RTN1: variants seen among roughly 807,000 people sequenced by gnomAD.
RTN1 encodes reticulon-1.
A neutral mutation model predicts 65.5 loss-of-function variants in RTN1; 25 were observed. That is an observed-to-expected ratio of 0.38 (90% CI 0.28 to 0.53). RTN1 has a LOEUF of 0.53. Among genes scored for constraint, RTN1 ranks in the 20% least tolerant of loss-of-function variants. The pLI is 0.79. For missense variants in RTN1, 983 were observed against 1,025.4 expected, an observed-to-expected ratio of 0.96 and a Z score of 0.57; for synonymous variants, 471 against 447.6, an observed-to-expected ratio of 1.05 and a Z score of -0.66.
intron 2 of RTN1, among the ~76,000 whole-genome samples, chr14:59,736,963 A>G (rs1471391155): frequency 6.6e-6 from 1 of 152,242 alleles, no homozygotes; most frequent in African/African-American, 2.4e-5. Context: ...AAAATTCAAC[A>G]TTCCTTCATA....
chr14:59,795,483 T>C (rs531628833), intron 1 of RTN1, among the ~76,000 whole-genome samples: 5 of 152,286 alleles, frequency 3.3e-5, no homozygotes, highest in Admixed American at 3.3e-4. Flanking sequence ...GGAGGATCAC[T>C]TGAGCCCAGG....
At chr14:59,726,183 A>G (rs1884756128) in intron 3 of RTN1, among the ~76,000 whole-genome samples, 1 of 152,220 alleles carries the variant, frequency 6.6e-6, no homozygotes, top group African/African-American at 2.4e-5. Context: ...TTGTACACGT[A>G]TAATGTCTGG....
At chr14:59,819,559 C>A (rs934035476) in intron 1 of RTN1, among the ~76,000 whole-genome samples, 71 of 151,872 alleles carry the variant, frequency 4.7e-4, no homozygotes, top group Middle Eastern at 6.8e-3. Context: ...CCTGCCAGGG[C>A]CGTGGGTGGA....
chr14:59,658,461 C>T (rs573222803), intron 3 of RTN1, among the ~76,000 whole-genome samples: 1 of 152,308 alleles, frequency 6.6e-6, no homozygotes, highest in Admixed American at 6.5e-5. Context: ...CAGCAGGGGT[C>T]AACAGACACC....
chr14:59,850,629 G>C (rs2139662593), intron 1 of RTN1, among the ~76,000 whole-genome samples: 1 of 152,228 alleles, frequency 6.6e-6, no homozygotes, highest in East Asian at 1.9e-4. Context: ...TTCTACAAAT[G>C]TAAAAATGGG....
chr14:59,759,773 T>TA (rs1210956135), intron 1 of RTN1, among the ~76,000 whole-genome samples: 1 of 150,104 alleles, frequency 6.7e-6, no homozygotes, highest in Non-Finnish European at 1.5e-5. Context: ...CCCTGGAACA[T>TA]AAAAATGCAA....
intron 3 of RTN1, among the ~76,000 whole-genome samples, chr14:59,675,737 T>A (rs1883613706): frequency 6.6e-6 from 1 of 152,054 alleles, no homozygotes; most frequent in Admixed American, 6.6e-5. Context: ...CTCAGGGGTA[T>A]CCAATTCCAA....
At chr14:59,685,790 C>G (rs1256645300) in intron 3 of RTN1, among the ~76,000 whole-genome samples, 2 of 152,100 alleles carry the variant, frequency 1.3e-5, no homozygotes, top group African/African-American at 4.8e-5. Flanking sequence ...TACCAATGAC[C>G]TTCTTCAAAG....
At chr14:59,751,415 T>G (rs962575836) in intron 1 of RTN1, among the ~76,000 whole-genome samples, 1 of 152,078 alleles carries the variant, frequency 6.6e-6, no homozygotes, top group Non-Finnish European at 1.5e-5. Flanking sequence ...AGCTTATAGG[T>G]AGACCTCATT....
At position 59,727,332 on chromosome 14, in the gene RTN1, T is replaced by G. The variant is rs1438077220; in HGVS notation, c.1352A>C (p.Tyr451Ser). The change falls in exon 3 of 9, where the codon TAC (tyrosine) becomes TCC (serine). Residue 451 changes from tyrosine (Y) to serine (S), a missense_variant. By Grantham distance (144) the Tyr-to-Ser change is moderately radical. Transcript: ENST00000267484. The surrounding 1 kb of genome is among the most constrained non-coding windows in gnomAD (Gnocchi z 4.2). ...PPSPASPSIQYSILREEREAE... is the reference protein window; with the variant it reads ...PPSPASPSIQSSILREEREAE... ...CTCGCGCTCCTCCCTCAGGATGCTGTACTGGATGGATGGCGAGGCGGGCGA... is the reference window on the plus strand; with the variant it reads ...CTCGCGCTCCTCCCTCAGGATGCTGGACTGGATGGATGGCGAGGCGGGCGA... The G allele has an allele frequency of 6.6e-7, 1 of 1,517,946 alleles. No homozygotes were observed. The highest frequency in any genetic ancestry group is 8.8e-7 in the Non-Finnish European group (1 of 1,131,550). The allele number at this position is 1,517,946 out of a possible 1,614,324, so 94.0% of individuals were successfully genotyped here. A position where few individuals can be genotyped will look rare whatever the true frequency, so the allele number is the denominator to read the frequency against.
chr14:59,828,284 T>C (rs1417554613), intron 1 of RTN1, among the ~76,000 whole-genome samples: 4 of 152,218 alleles, frequency 2.6e-5, no homozygotes, highest in Admixed American at 1.3e-4. Flanking sequence ...TCTCTCAATA[T>C]TGAAGTATTG....
chr14:59,635,679 T>C (rs1380088955), intron 3 of RTN1, among the ~76,000 whole-genome samples: 1 of 152,070 alleles, frequency 6.6e-6, no homozygotes, highest in Non-Finnish European at 1.5e-5. Context: ...AACTTCTAAA[T>C]AAATAAATTG....
chr14:59,723,351 A>T (rs537803651), intron 3 of RTN1, among the ~76,000 whole-genome samples: 13 of 152,112 alleles, frequency 8.5e-5, no homozygotes, highest in African/African-American at 2.4e-4. Flanking sequence ...TCACGCCTGT[A>T]ATCCCAGCAC....
chr14:59,675,080 C>A (rs993193535), intron 3 of RTN1, among the ~76,000 whole-genome samples: 1 of 132,428 alleles, frequency 7.6e-6, no homozygotes, highest in East Asian at 2.3e-4. Flanking sequence ...CACACACAAA[C>A]ACACACACAT....
At chr14:59,867,326 G>A (rs1490311989) in intron 1 of RTN1, among the ~76,000 whole-genome samples, 1 of 152,120 alleles carries the variant, frequency 6.6e-6, no homozygotes, top group East Asian at 1.9e-4. Flanking sequence ...ATTAGATGAT[G>A]GCACTTTTAT....
chr14:59,659,041 T>C (rs561054942), intron 3 of RTN1, among the ~76,000 whole-genome samples: 1 of 152,140 alleles, frequency 6.6e-6, no homozygotes, highest in Admixed American at 6.5e-5. Context: ...AGAACATAAA[T>C]GACCTGATGG....
In RTN1 at chr14:59,603,127, C is replaced by T; in HGVS notation, c.2230-4G>A. ...CCAGATATTGGTCAATCTGTGCCTACATAAAGAAAAAAAAAATAATGAGCA... is the reference window on the plus strand; with the variant it reads ...CCAGATATTGGTCAATCTGTGCCTATATAAAGAAAAAAAAAATAATGAGCA... On this transcript the variant is annotated splice_polypyrimidine_tract_variant and splice_region_variant and intron_variant, in intron 7 of 8. Coordinates refer to ENST00000267484, the MANE Select transcript of RTN1 (RefSeq NM_021136.3). 6.2e-7 allele frequency: 1 copy of T among 1,608,180 alleles called. No homozygotes were observed. Among genetic ancestry groups the T allele is most frequent in the Non-Finnish European group, 8.5e-7 (1 of 1,178,058 alleles).
intron 3 of RTN1, among the ~76,000 whole-genome samples, chr14:59,715,564 G>A (rs1884515849): frequency 6.6e-6 from 1 of 152,156 alleles, no homozygotes; most frequent in African/African-American, 2.4e-5. Flanking sequence ...TGTGGCTCAC[G>A]CCTGTAATCC....
chr14:59,789,226 T>C (rs951360774), intron 1 of RTN1, among the ~76,000 whole-genome samples: 3 of 152,118 alleles, frequency 2.0e-5, no homozygotes, highest in Non-Finnish European at 4.4e-5. Flanking sequence ...CTCCTTTCTT[T>C]ATTTCTTTCT....
Sources: gnomAD v4.1 joint callset for allele counts (sites outside exome capture counted in the v4.1 genomes callset) on GRCh38, gnomAD v4.1.1 for gene constraint, Gnocchi (gnomAD v3.1) non-coding constraint, MANE v1.5 for transcripts, NCBI Gene and HGNC (gene_info 2026-07-23, HGNC 2026-07-21) for gene names.